The following SETD1A variants were observed in gnomAD, a reference collection of about 807,000 sequenced individuals.
SETD1A encodes the protein histone-lysine N-methyltransferase SETD1A.
In SETD1A, 29 loss-of-function variants were observed where a neutral mutation model predicts 149.9. The observed-to-expected ratio is 0.19, with a 90% CI of 0.14 to 0.26. The LOEUF (loss-of-function observed/expected upper bound fraction) is 0.26, where lower values mean the gene tolerates loss of function less well. Among genes scored for constraint, SETD1A ranks in the 10% least tolerant of loss-of-function variants. SETD1A has a pLI of 1.00. For missense variants in SETD1A, 2,109 were observed against 2,353.1 expected (o/e 0.90, Z 2.15); for synonymous variants, 1,141 against 968.5 (o/e 1.18, Z -3.31).
At chr16:30,967,240 G>A (rs1024006103) in intron 9 of SETD1A, among the ~76,000 whole-genome samples, 180 bp downstream of exon 9, 10 of 152,148 alleles carry the variant, frequency 6.6e-5, no homozygotes, top group South Asian at 2.1e-4. Flanking sequence ...TGCAACCTCC[G>A]CCTCCCGGGT....
Position 30,961,244 on chromosome 16 carries a change from A to G in SETD1A, c.247-23A>G, listed in dbSNP as rs377503560. ...ACAGTGGTCAGTGTTGAGACCCCAT[A>G]CCAACTCCTGTTCTTTCCCCAGCTG... On this transcript the variant is annotated intron_variant, in intron 3 of 18. Coordinates refer to ENST00000262519, the MANE Select transcript of SETD1A (RefSeq NM_014712.3). This position sits in a 1 kb window ranked among gnomAD's most constrained non-coding sequence, Gnocchi z 4.0. The G allele has an allele frequency of 1.5e-5, 24 of 1,613,344 alleles. No homozygotes were observed. The African/African-American group carries it at 3.2e-4, about 22-fold the overall frequency.
At chr16:30,967,352 C>T in intron 9 of SETD1A, 149 bp from the exon 10 acceptor site, 2 of 742,996 alleles carry the variant, frequency 2.7e-6, no homozygotes, top group East Asian at 2.5e-5. Context: ...TGGGGTTTCA[C>T]TGTGTTGGCC....
rs745549831 is a variant in SETD1A, at chr16:30,980,166, C to G, written c.4380C>G (p.Leu1460=). Residue 1460 remains leucine (L), a synonymous_variant, in exon 14 of 19, where the codon CTC becomes CTG. Coordinates refer to ENST00000262519, the MANE Select transcript of SETD1A (RefSeq NM_014712.3). This position sits in a 1 kb window ranked among gnomAD's most constrained non-coding sequence, Gnocchi z 7.7. The part of the protein sequence containing the change: ...LLQQTSGADW[L]NDTHWVHHTI... ...AGCAGACAAGCGGGGCTGACTGGCT[C>G]AACGACACTCACTGGGTCCATCACA... The G allele has an allele frequency of 3.7e-6, 6 of 1,608,268 alleles. No individual in the cohort carries two copies. In the African/African-American group the frequency reaches 5.4e-5, roughly 14 times the overall value.
In SETD1A at chr16:30,980,076, T is replaced by C. The variant is rs532616034; in HGVS notation, c.4290T>C (p.Ile1430=). Residue 1430 remains isoleucine, a synonymous_variant, in exon 14 of 19, where the codon ATT becomes ATC. Transcript: ENST00000262519. This position sits in a 1 kb window ranked among gnomAD's most constrained non-coding sequence, Gnocchi z 7.7. ...EFEQMTILYD[I]WNSGLDSEDM... is the part of the protein sequence containing the mutation. Reference sequence around the variant, plus strand: ...AACAGATGACCATCCTGTATGACATTTGGAACTCGGGCCTGGACTCAGAGG... The same window carrying C: ...AACAGATGACCATCCTGTATGACATCTGGAACTCGGGCCTGGACTCAGAGG... 1 of 1,606,754 alleles carries C rather than the reference T, an allele frequency of 6.2e-7. No homozygotes were observed. The highest frequency in any genetic ancestry group is 2.3e-5 in the East Asian group (1 of 44,220).
At chr16:30,966,456 G>T in intron 8 of SETD1A, 70 bp downstream of exon 8, 1 of 1,514,726 alleles carries the variant, frequency 6.6e-7, no homozygotes. Flanking sequence ...GCTCCTCCAG[G>T]CTGCACAGCT....
Position 30,964,831 on chromosome 16 carries a change from T to C in SETD1A, c.1089T>C (p.Asp363=), listed in dbSNP as rs774131067. The change falls in exon 7 of 19, where the codon GAT becomes GAC. Residue 363 remains aspartate (D), a synonymous_variant. Transcript: ENST00000262519. ...SSSSSQFRSS[D]ANYPAYYESW... is the part of the protein sequence containing the mutation. ...CGTCCTCTCAGTTTCGTAGTTCTGA[T>C]GCAAACTACCCAGCGTATTATGAAA... The C allele has an allele frequency of 2.5e-6, 4 of 1,614,198 alleles. No homozygotes were observed. The highest frequency in any genetic ancestry group is 3.4e-6 in the Non-Finnish European group (4 of 1,180,036).
In SETD1A at chr16:30,983,999, G is replaced by T. The variant is rs200790174; in HGVS notation, c.5100G>T (p.Glu1700Asp). The T allele has an allele frequency of 7.3e-5, 118 of 1,613,584 alleles. No homozygotes were observed. Among genetic ancestry groups the T allele is most frequent in the Admixed American group, 1.7e-5 (1 of 59,962 alleles). ...AGATCCCGTGTCTGTGTGGCACAGA[G>T]AGCTGCCGGGGCTCCCTAAACTGAG... Reference protein sequence around the residue: ...DNKIPCLCGTESCRGSLN With the variant: ...DNKIPCLCGTDSCRGSLN Residue 1700 changes from glutamate to aspartate, a missense_variant, in exon 19 of 19, where the codon GAG becomes GAT. Glu to Asp is a conservative substitution (Grantham distance 45, BLOSUM62 2). Around this residue, in one of 8 missense-constraint regions of SETD1A, gnomAD observed 254 missense variants for 409.3 expected, o/e 0.62. Coordinates refer to ENST00000262519, the MANE Select transcript of SETD1A (RefSeq NM_014712.3). The surrounding 1 kb of genome is among the most constrained non-coding windows in gnomAD (Gnocchi z 6.8).
rs570031017 is a variant in SETD1A at position 30,983,549 on chromosome 16, C to T, written c.4813-86C>T. The T allele has an allele frequency of 3.2e-5, 48 of 1,490,108 alleles. No individual in the cohort carries two copies. The South Asian group carries it at 4.1e-4, about 13-fold the overall frequency. 92.3% of individuals were successfully genotyped at this position (1,490,108 alleles called of 1,614,324 possible). On this transcript the variant is annotated intron_variant, in intron 17 of 18. Transcript: ENST00000262519. This position sits in a 1 kb window ranked among gnomAD's most constrained non-coding sequence, Gnocchi z 6.8. Reference sequence around the variant, plus strand: ...GAGCTGCAGCTCCAGGCCTGGTGGGCGTGGACCTGGGGTGCTGGCTGGCAG... The same window carrying T: ...GAGCTGCAGCTCCAGGCCTGGTGGGTGTGGACCTGGGGTGCTGGCTGGCAG...
Position 30,973,273 on chromosome 16 carries a change from G to T in SETD1A, c.3358+1554G>T, listed in dbSNP as rs145971346. On this transcript the variant is annotated intron_variant, in intron 13 of 18. Transcript: ENST00000262519. ...AAAAAATGCAGTGCAGAGAAAGCTT[G>T]GAAAGGGGCCACAGTGGATGTAGGG... is the stretch of plus-strand genomic sequence containing the variant. 5.3e-5 allele frequency among the ~76,000 whole-genome samples: 8 copies of T among 152,156 alleles called. No individual in the cohort carries two copies. In the East Asian group the frequency reaches 1.3e-3, roughly 26 times the overall value.
In SETD1A at chr16:30,979,802, C is replaced by T; in HGVS notation, c.4016C>T (p.Pro1339Leu). 6.3e-7 allele frequency: 1 copy of T among 1,574,804 alleles called. No homozygotes were observed. Among genetic ancestry groups the T allele is most frequent in the Non-Finnish European group, 8.6e-7 (1 of 1,167,666 alleles). ...SSPADEVLEA[P>L]EVVVAEAEEP... Reference sequence around the variant, plus strand: ...CCAGCTGATGAGGTCCTGGAGGCCCCCGAGGTGGTGGTGGCTGAGGCGGAG... The same window carrying T: ...CCAGCTGATGAGGTCCTGGAGGCCCTCGAGGTGGTGGTGGCTGAGGCGGAG... The change falls in exon 14 of 19, where the codon CCC (proline) becomes CTC (leucine). Residue 1339 changes from proline to leucine, a missense_variant. Around this residue, in one of 8 missense-constraint regions of SETD1A, gnomAD observed 832 missense variants for 815.6 expected, o/e 1.02. Transcript: ENST00000262519.
In SETD1A at chr16:30,983,337, G is replaced by A. The variant is rs76617395; in HGVS notation, c.4813-298G>A. Among the ~76,000 whole-genome samples, 268 of 152,296 alleles carry A rather than the reference G, an allele frequency of 1.8e-3. 1 individual carries two copies. The highest frequency in any genetic ancestry group is 3.3e-3 in the Non-Finnish European group (225 of 68,016). On this transcript the variant is annotated intron_variant, in intron 17 of 18. Coordinates refer to ENST00000262519, the MANE Select transcript of SETD1A (RefSeq NM_014712.3). The surrounding 1 kb of genome is among the most constrained non-coding windows in gnomAD (Gnocchi z 6.8). The stretch of plus-strand genomic sequence containing the variant: ...CCCCAGACTTGCCCCAGCAGTCCGG[G>A]ACCCCACTGTGACCAGGCAGATGCT...
At chr16:30,982,437 GTTGCAGT>G (rs2056390632) in intron 17 of SETD1A, among the ~76,000 whole-genome samples, 2 of 151,936 alleles carry the variant, frequency 1.3e-5, no homozygotes, top group South Asian at 2.1e-4. Flanking sequence ...GGAGGCAGAG[GTTGCAGT>G]GAGCCAAGAT....
At chr16:30,968,188 T>A (rs550681560) in intron 10 of SETD1A, among the ~76,000 whole-genome samples, 23 of 152,186 alleles carry the variant, frequency 1.5e-4, no homozygotes, top group African/African-American at 4.3e-4. Flanking sequence ...GAGGATCACC[T>A]GAGGTCAGAA....
chr16:30,958,487 T>C (rs1297426405), intron 1 of SETD1A: 2 of 521,184 alleles, frequency 3.8e-6, no homozygotes, highest in Non-Finnish European at 6.9e-6. Flanking sequence ...GTAAGGGGGC[T>C]CGAGACGGGC....
At position 30,979,914 on chromosome 16, in the gene SETD1A, C is replaced by T. The variant is rs2056345331; in HGVS notation, c.4128C>T (p.Ser1376=). Reference sequence around the variant, plus strand: ...AGGGGGAGGAAGAGGAGGAGGAGTCCTCTGACAGCAGCAGCAGCAGCGATG... The same window carrying T: ...AGGGGGAGGAAGAGGAGGAGGAGTCTTCTGACAGCAGCAGCAGCAGCGATG... The part of the protein sequence containing the change: ...EEEGEEEEEE[S]SDSSSSSDGE... The change falls in exon 14 of 19, where the codon TCC becomes TCT. Residue 1376 remains serine (S), a synonymous_variant. Transcript: ENST00000262519. 2.0e-6 allele frequency: 3 copies of T among 1,531,688 alleles called. No homozygotes were observed. The highest frequency in any genetic ancestry group is 2.7e-5 in the African/African-American group (2 of 72,894). 94.9% of individuals were successfully genotyped at this position (1,531,688 alleles called of 1,614,324 possible). A position where few individuals can be genotyped will look rare whatever the true frequency, so the allele number is the denominator to read the frequency against.
intron 1 of SETD1A, chr16:30,958,447 A>G: frequency 2.8e-6 from 1 of 359,134 alleles, no homozygotes; most frequent in East Asian, 5.6e-5. Flanking sequence ...TCCGAGGCCA[A>G]GTGGGGCGCG....
rs757290473 is a variant in SETD1A, at chr16:30,966,000, C to A, written c.2119C>A (p.Pro707Thr). The A allele has an allele frequency of 1.4e-5, 22 of 1,574,290 alleles. No individual in the cohort carries two copies. The highest frequency in any genetic ancestry group is 2.2e-5 in the East Asian group (1 of 44,478). ...KGLIAASAGP[P>T]GGAFGEAFLP... Reference sequence around the variant, plus strand: ...ATTGATTGCCGCCTCAGCTGGCCCCCCCGGTGGGGCCTTTGGGGAGGCCTT... The same window carrying A: ...ATTGATTGCCGCCTCAGCTGGCCCCACCGGTGGGGCCTTTGGGGAGGCCTT... The change falls in exon 8 of 19, where the codon CCC (proline) becomes ACC (threonine). Residue 707 changes from proline to threonine, a missense_variant. This residue lies in a region of SETD1A where 431 missense variants were observed against 388.6 expected (regional missense o/e 1.11). Coordinates refer to ENST00000262519, the MANE Select transcript of SETD1A (RefSeq NM_014712.3).
Position 30,965,179 on chromosome 16 carries a change from T to C in SETD1A, c.1437T>C (p.Ser479=). The C allele has an allele frequency of 1.2e-6, 2 of 1,613,662 alleles. No homozygotes were observed. Among genetic ancestry groups the C allele is most frequent in the Non-Finnish European group, 1.7e-6 (2 of 1,179,958 alleles). The change falls in exon 7 of 19, where the codon AGT becomes AGC. Residue 479 remains serine (S), a synonymous_variant. Transcript: ENST00000262519. ...GSPAPETTNE[S]VPFAQHSSLD... ...CAGCCCCGGAGACCACCAATGAGAG[T>C]GTGCCCTTCGCCCAGCACAGCAGCC...
Position 30,980,945 on chromosome 16 carries a change from G to T in SETD1A, c.4692+96G>T. 5 of 1,569,512 alleles carry T rather than the reference G, an allele frequency of 3.2e-6. No individual in the cohort carries two copies. The South Asian group carries it at 4.7e-5, about 15-fold the overall frequency. On this transcript the variant is annotated intron_variant, in intron 16 of 18. Transcript: ENST00000262519. This position sits in a 1 kb window ranked among gnomAD's most constrained non-coding sequence, Gnocchi z 7.7. ...CCCAGCAGGCTCCTGTGGTTCCCTCGGGTGGAGTTGGGGGGTAAGCAGCCA... is the reference window on the plus strand; with the variant it reads ...CCCAGCAGGCTCCTGTGGTTCCCTCTGGTGGAGTTGGGGGGTAAGCAGCCA...
Sources: allele counts gnomAD v4.1 joint callset (sites outside exome capture counted in the v4.1 genomes callset), GRCh38; gene constraint gnomAD v4.1.1; regional missense constraint gnomAD v4.1.1; non-coding constraint Gnocchi (gnomAD v3.1); transcripts MANE v1.5; gene names NCBI Gene and HGNC (gene_info 2026-07-23, HGNC 2026-07-21).